The following ABCC4 variants were observed in gnomAD, a reference collection of about 807,000 sequenced individuals.
The protein encoded by ABCC4 is ATP binding cassette subfamily C member 4 (PEL blood group).
A neutral mutation model predicts 168.5 loss-of-function variants in ABCC4; 102 were observed. The ratio of observed to expected loss-of-function variants is 0.61; its 90% CI spans 0.52 to 0.71. The LOEUF (loss-of-function observed/expected upper bound fraction) is 0.71. Among genes scored for constraint, ABCC4 ranks in the 30% least tolerant of loss-of-function variants. The pLI is 0.00. For synonymous variants in ABCC4, 617 were observed against 590.7 expected (o/e 1.04, Z -0.65); for missense variants, 1,402 against 1,605.8 (o/e 0.87, Z 2.17).
intron 11 of ABCC4, among the ~76,000 whole-genome samples, chr13:95,178,561 C>T (rs148147576): frequency 6.6e-6 from 1 of 152,152 alleles, no homozygotes; most frequent in Non-Finnish European, 1.5e-5. Flanking sequence ...TGAGCAGAGA[C>T]CTGTCAGGGG....
At chr13:95,185,010 C>G (rs995232830) in intron 11 of ABCC4, among the ~76,000 whole-genome samples, 1 of 152,128 alleles carries the variant, frequency 6.6e-6, no homozygotes, top group Admixed American at 6.5e-5. Flanking sequence ...TTCAGGGAAG[C>G]AGGGGACAGT....
chr13:95,032,670 C>CT (rs10529298), intron 30 of ABCC4, among the ~76,000 whole-genome samples: 16,671 of 148,334 alleles, frequency 0.11, 951 homozygotes, highest in Middle Eastern at 0.15. Flanking sequence ...TTTCTTTTTT[C>CT]TTTTTTTTTT....
In ABCC4 at chr13:95,188,413, G is replaced by A. The variant is rs531870395; in HGVS notation, c.1353+40C>T. The A allele has an allele frequency of 1.7e-5, 27 of 1,573,208 alleles. No homozygotes were observed. In the East Asian group the frequency reaches 5.1e-4, roughly 30 times the overall value. The stretch of plus-strand genomic sequence containing the variant: ...CAAACCCACGAAGTTAATATGATAA[G>A]TGGGGTTGCAACAAGCTGCCAAAAG... On this transcript the variant is annotated intron_variant, in intron 10 of 30. Coordinates refer to ENST00000645237, the MANE Select transcript of ABCC4 (RefSeq NM_005845.5).
chr13:95,080,827 G>A (rs1161708782), intron 21 of ABCC4, among the ~76,000 whole-genome samples: 2 of 152,094 alleles, frequency 1.3e-5, no homozygotes, highest in Admixed American at 1.3e-4. Flanking sequence ...GGGCAGTGAG[G>A]CAGTCCAACA....
At chr13:95,027,230 G>A (rs1197580783) in intron 30 of ABCC4, among the ~76,000 whole-genome samples, 1 of 151,972 alleles carries the variant, frequency 6.6e-6, no homozygotes, top group African/African-American at 2.4e-5. Context: ...CTTTCCCTTT[G>A]AGATGGTATA....
Position 95,201,264 on chromosome 13 carries a change from G to A in ABCC4, c.1161+5268C>T, listed in dbSNP as rs201529628. 6.6e-5 allele frequency among the ~76,000 whole-genome samples: 10 copies of A among 152,240 alleles called. No individual in the cohort carries two copies. In the East Asian group the frequency reaches 1.5e-3, roughly 24 times the overall value. On this transcript the variant is annotated intron_variant, in intron 8 of 30. Coordinates refer to ENST00000645237, the MANE Select transcript of ABCC4 (RefSeq NM_005845.5). ...AATTTCAAGCCTTAGACACAGGTGAGTTGCATTTTGGTGGGAAAAAAATAA... is the reference window on the plus strand; with the variant it reads ...AATTTCAAGCCTTAGACACAGGTGAATTGCATTTTGGTGGGAAAAAAATAA...
chr13:95,175,699 A>G (rs2037654321), intron 13 of ABCC4, among the ~76,000 whole-genome samples: 1 of 152,174 alleles, frequency 6.6e-6, no homozygotes, highest in East Asian at 1.9e-4. Context: ...CAGGAAGAGG[A>G]GATTTGGATA....
chr13:95,199,733 C>T (rs2038570325), intron 8 of ABCC4, among the ~76,000 whole-genome samples: 1 of 152,160 alleles, frequency 6.6e-6, no homozygotes, highest in African/African-American at 2.4e-5. Context: ...ATCTCCCTGC[C>T]TCTACTCTGG....
chr13:95,100,888 G>T (rs2034778624), intron 20 of ABCC4, among the ~76,000 whole-genome samples: 1 of 152,154 alleles, frequency 6.6e-6, no homozygotes, highest in Non-Finnish European at 1.5e-5. Flanking sequence ...ACAAACCTCA[G>T]AAATCTCAAA....
In ABCC4 at chr13:95,126,720, A is replaced by AATATATATATAT. The variant is rs71111594; in HGVS notation, c.2456-10731_2456-10720dup. ...ATAAAAATGCATGAACTTTTTTTGG[A>AATATATATATAT]ATATATATATATATATATATATATA... On this transcript the variant is annotated intron_variant, in intron 19 of 30. Transcript: ENST00000645237. Among the ~76,000 whole-genome samples the AATATATATATAT allele has an allele frequency of 6.8e-3, 552 of 81,654 alleles. 51 individuals carry two copies. Among genetic ancestry groups the AATATATATATAT allele is most frequent in the Admixed American group, 0.027 (147 of 5,532 alleles). 53.6% of individuals were successfully genotyped at this position (81,654 alleles called of 152,430 possible).
chr13:95,268,254 C>T (rs538703643), intron 1 of ABCC4, among the ~76,000 whole-genome samples: 21 of 152,298 alleles, frequency 1.4e-4, no homozygotes, highest in African/African-American at 4.1e-4. Context: ...TTGAAGACAG[C>T]GTGCTTCTTA....
chr13:95,174,448 A>G (rs1019923510), intron 13 of ABCC4, among the ~76,000 whole-genome samples: 18 of 152,214 alleles, frequency 1.2e-4, no homozygotes, highest in Admixed American at 1.3e-4. Flanking sequence ...GTGATTTCCT[A>G]AATTGCATTC....
chr13:95,256,926 C>T (rs1454858560), intron 1 of ABCC4, among the ~76,000 whole-genome samples: 3 of 152,184 alleles, frequency 2.0e-5, no homozygotes, highest in African/African-American at 7.2e-5. Context: ...AGGAATAAGA[C>T]TCCTTAACAA....
chr13:95,064,245 GGTGT>G (rs530317662), intron 25 of ABCC4, among the ~76,000 whole-genome samples: 534 of 42,484 alleles, frequency 0.013, no homozygotes, highest in Admixed American at 0.028. Flanking sequence ...GGTACATCCG[GGTGT>G]GTGTGTGTGT....
intron 19 of ABCC4, among the ~76,000 whole-genome samples, chr13:95,123,293 C>T (rs530184421): frequency 7.2e-5 from 11 of 152,278 alleles, no homozygotes; most frequent in African/African-American, 2.4e-4. Context: ...TCAGAACCTG[C>T]TAATTGGAAT....
At chr13:95,083,564 T>G (rs2034167828) in intron 20 of ABCC4, among the ~76,000 whole-genome samples, 1 of 150,712 alleles carries the variant, frequency 6.6e-6, no homozygotes, top group African/African-American at 2.5e-5. Context: ...TCTTGCTCTG[T>G]CACCCAGGCT....
In ABCC4 at chr13:95,301,233, A is replaced by G; in HGVS notation, c.74+8T>C. ...GCAGGGTGACCTGTTTCGGGCGGGG[A>G]CACTCACCAGAAGAACACGCGTGAG... On this transcript the variant is annotated splice_region_variant and intron_variant, in intron 1 of 30. Coordinates refer to ENST00000645237, the MANE Select transcript of ABCC4 (RefSeq NM_005845.5). 6.3e-7 allele frequency: 1 copy of G among 1,581,792 alleles called. No individual in the cohort carries two copies. Among genetic ancestry groups the G allele is most frequent in the East Asian group, 2.4e-5 (1 of 41,636 alleles).
chr13:95,169,515 T>C (rs1263741951), intron 14 of ABCC4, among the ~76,000 whole-genome samples: 1 of 152,138 alleles, frequency 6.6e-6, no homozygotes, highest in Non-Finnish European at 1.5e-5. Context: ...TTCCTGTAAA[T>C]GCACCAGGTA....
At chr13:95,256,729 G>C (rs141263084) in intron 1 of ABCC4, among the ~76,000 whole-genome samples, 8 of 151,976 alleles carry the variant, frequency 5.3e-5, no homozygotes, top group Non-Finnish European at 1.0e-4. Flanking sequence ...TTGCCCTCCA[G>C]CCTGGGTGAC....
Sources: allele counts gnomAD v4.1 joint callset (sites outside exome capture counted in the v4.1 genomes callset), GRCh38; gene constraint gnomAD v4.1.1; transcripts MANE v1.5; gene names NCBI Gene and HGNC (gene_info 2026-07-23, HGNC 2026-07-21).